The following ERN1 variants were observed in gnomAD, a reference collection of about 807,000 sequenced individuals.
ERN1 encodes the protein serine/threonine-protein kinase/endoribonuclease IRE1.
Under a neutral mutation model 113.1 loss-of-function variants are expected in ERN1, and 39 were observed. That is an observed-to-expected ratio of 0.34 (90% confidence interval 0.27 to 0.45). The LOEUF is 0.45. Ranked by LOEUF, ERN1 falls within the 20% of genes least tolerant of loss-of-function variation. The probability of loss-of-function intolerance (pLI) is 1.00; values close to 1 mark genes in which losing one functional copy is unlikely to be tolerated. For synonymous variants in ERN1, 507 were observed against 515.9 expected (o/e 0.98, Z 0.23); for missense variants, 976 against 1,274.8 (o/e 0.77, Z 3.57).
At chr17:64,091,357 T>C (rs931140504) in intron 2 of ERN1, among the ~76,000 whole-genome samples, 1 of 152,152 alleles carries the variant, frequency 6.6e-6, no homozygotes, top group Admixed American at 6.5e-5. Context: ...TCCCATTTGT[T>C]TCTCAGGACT....
At chr17:64,060,695 A>G in intron 10 of ERN1, 108 bp from the exon 11 acceptor site, 1 of 737,622 alleles carries the variant, frequency 1.4e-6, no homozygotes, top group Non-Finnish European at 2.4e-6. Flanking sequence ...CCACAATGCA[A>G]ACTCTCAGCA....
chr17:64,109,692 A>G (rs1359780780), intron 1 of ERN1, among the ~76,000 whole-genome samples: 1 of 152,176 alleles, frequency 6.6e-6, no homozygotes, highest in African/African-American at 2.4e-5. Context: ...CAACCCTCTC[A>G]TTTCACAGGA....
At chr17:64,064,864 G>A (rs1196629749) in intron 9 of ERN1, among the ~76,000 whole-genome samples, 2 of 152,202 alleles carry the variant, frequency 1.3e-5, no homozygotes, top group Non-Finnish European at 2.9e-5. Context: ...CAGGGAGAAG[G>A]TGCACATGGT....
chr17:64,128,053 G>A (rs1346468679), intron 1 of ERN1, among the ~76,000 whole-genome samples: 1 of 151,472 alleles, frequency 6.6e-6, no homozygotes, highest in African/African-American at 2.4e-5. Flanking sequence ...CCAGGCTGGA[G>A]CACAGTGACT....
At chr17:64,068,754 G>C (rs1913318665) in intron 6 of ERN1, among the ~76,000 whole-genome samples, 1 of 152,158 alleles carries the variant, frequency 6.6e-6, no homozygotes, top group Non-Finnish European at 1.5e-5. Flanking sequence ...AGTGCAGAGG[G>C]GGCACTGCTA....
At chr17:64,074,817 A>C (rs1478322250) in intron 5 of ERN1, among the ~76,000 whole-genome samples, 1 of 152,256 alleles carries the variant, frequency 6.6e-6, no homozygotes, top group Non-Finnish European at 1.5e-5. Context: ...AGAAAGCGCT[A>C]TAATTAACAG....
intron 2 of ERN1, among the ~76,000 whole-genome samples, chr17:64,095,862 T>C (rs1007948085): frequency 2.0e-5 from 3 of 152,208 alleles, no homozygotes; most frequent in Non-Finnish European, 4.4e-5. Flanking sequence ...GCCTCACTCC[T>C]GACTGAACTC....
At chr17:64,070,315 G>T (rs1913369566) in intron 6 of ERN1, among the ~76,000 whole-genome samples, 1 of 152,164 alleles carries the variant, frequency 6.6e-6, no homozygotes, top group South Asian at 2.1e-4. Context: ...AAAATGCTAA[G>T]TTGGGGTGGT....
chr17:64,086,344 C>G (rs112586518), intron 2 of ERN1, among the ~76,000 whole-genome samples: 2,711 of 152,224 alleles, frequency 0.018, 44 homozygotes, highest in Middle Eastern at 0.051. Context: ...TTTGTTTGTT[C>G]TAAAATTTCA....
chr17:64,122,185 C>G (rs1394776374), intron 1 of ERN1, among the ~76,000 whole-genome samples: 1 of 152,226 alleles, frequency 6.6e-6, no homozygotes, highest in Non-Finnish European at 1.5e-5. Context: ...TTCTGCCACT[C>G]ACACATGACC....
chr17:64,103,083 C>T (rs1257038535), intron 1 of ERN1: 1 of 385,454 alleles, frequency 2.6e-6, no homozygotes, highest in African/African-American at 2.2e-5. Context: ...ACTCAGTGGG[C>T]TTCAGCAGTA....
rs750083809 is a variant in ERN1, at chr17:64,064,041, G to C, written c.1032C>G (p.Pro344=). 1 of 1,613,934 alleles carries C rather than the reference G, an allele frequency of 6.2e-7. No individual in the cohort carries two copies. The highest frequency in any genetic ancestry group is 8.5e-7 in the Non-Finnish European group (1 of 1,179,856). Residue 344 remains proline (P), a synonymous_variant, in exon 10 of 22, where the codon CCC becomes CCG. Coordinates refer to ENST00000433197, the MANE Select transcript of ERN1 (RefSeq NM_001433.5). Reference sequence around the variant, plus strand: ...TGAGCTTGTTCTTGCTTTTGAGTCCGGGATCAAACTTGACGTCCGTGCTGG... The same window carrying C: ...TGAGCTTGTTCTTGCTTTTGAGTCCCGGATCAAACTTGACGTCCGTGCTGG... ...ITPSTDVKFD[P]GLKSKNKLNY... is the part of the protein sequence containing the mutation.
At chr17:64,098,608 T>TA (rs749840615) in intron 1 of ERN1, 1 of 532,952 alleles carries the variant, frequency 1.9e-6, no homozygotes, top group Non-Finnish European at 3.7e-6. Context: ...GACGTTATGA[T>TA]AAAAAAGAAT....
chr17:64,126,837 C>A (rs1915093493), intron 1 of ERN1, among the ~76,000 whole-genome samples: 1 of 151,524 alleles, frequency 6.6e-6, no homozygotes, highest in South Asian at 2.1e-4. Flanking sequence ...CACACATGAT[C>A]CTCAGTTCTC....
chr17:64,088,999 A>G (rs986142991), intron 2 of ERN1, among the ~76,000 whole-genome samples: 1 of 152,166 alleles, frequency 6.6e-6, no homozygotes, highest in African/African-American at 2.4e-5. Context: ...GTTGGTCACT[A>G]GAGTCCAACT....
intron 11 of ERN1, among the ~76,000 whole-genome samples, chr17:64,058,317 T>C (rs985018747): frequency 6.6e-6 from 1 of 152,170 alleles, no homozygotes; most frequent in South Asian, 2.1e-4. Context: ...CCTTTGATGG[T>C]AGGTTCAGTA....
rs148217307 is a variant in ERN1, at chr17:64,077,586, C to T, written c.282+2076G>A. The stretch of plus-strand genomic sequence containing the variant: ...CATCACGCTTGTGAGTCATCCGCGG[C>T]GTGTGTCGTCATAGACTGTTGGTCC... On this transcript the variant is annotated intron_variant, in intron 4 of 21. Transcript: ENST00000433197. Among the ~76,000 whole-genome samples the T allele has an allele frequency of 7.0e-4, 107 of 152,190 alleles. 2 individuals carry two copies. The highest frequency in any genetic ancestry group is 6.6e-3 in the South Asian group (32 of 4,822).
At chr17:64,051,316 G>A (rs1912676155) in intron 17 of ERN1, among the ~76,000 whole-genome samples, 1 of 152,166 alleles carries the variant, frequency 6.6e-6, no homozygotes, top group Non-Finnish European at 1.5e-5. Flanking sequence ...CAGTAAACAG[G>A]ATATTCACAT....
chr17:64,060,549 G>A lies in ERN1; in HGVS notation c.1126C>T (p.Leu376=), dbSNP rs765388355. The A allele has an allele frequency of 6.2e-7, 1 of 1,613,844 alleles. No homozygotes were observed. Among genetic ancestry groups the A allele is most frequent in the South Asian group, 1.1e-5 (1 of 91,086 alleles). ...GGTAGATTGTTGGGAAATCTCTCCA[G>A]CATCTTGGTAGACGCAGACAGTGGG... ...ETPLSASTKM[L]ERFPNNLPKH... The change falls in exon 11 of 22, where the codon CTG becomes TTG. Residue 376 remains leucine, a synonymous_variant. Coordinates refer to ENST00000433197, the MANE Select transcript of ERN1 (RefSeq NM_001433.5).
Sources: gnomAD v4.1 joint callset for allele counts (sites outside exome capture counted in the v4.1 genomes callset) on GRCh38, gnomAD v4.1.1 for gene constraint, MANE v1.5 for transcripts, NCBI Gene and HGNC (gene_info 2026-07-23, HGNC 2026-07-21) for gene names.